Variants in SLC44A5 observed in about 807,000 individuals in gnomAD.
The protein encoded by SLC44A5 is choline transporter-like protein 5.
Under a neutral mutation model 101.8 loss-of-function variants are expected in SLC44A5, and 57 were observed. The ratio of observed to expected loss-of-function variants is 0.56; its 90% CI spans 0.45 to 0.70. The LOEUF is 0.70. SLC44A5 is among the 30% of genes least tolerant of loss of function. The pLI is 0.00. For missense variants in SLC44A5, 737 were observed against 853.1 expected (o/e 0.86, Z 1.70); for synonymous variants, 281 against 290.9 (o/e 0.97, Z 0.35).
intron 3 of SLC44A5, among the ~76,000 whole-genome samples, chr1:75,357,752 T>A (rs1369503275): frequency 6.6e-6 from 1 of 152,156 alleles, no homozygotes; most frequent in Non-Finnish European, 1.5e-5. Flanking sequence ...GAGAAATGGA[T>A]AATTATGGTC....
At chr1:75,283,122 A>C (rs1652749504) in intron 5 of SLC44A5, among the ~76,000 whole-genome samples, 1 of 152,086 alleles carries the variant, frequency 6.6e-6, no homozygotes. Context: ...CATTCCCACC[A>C]GCAGTGTAAA....
At chr1:75,669,668 G>T in the SLC44A5 span, among the ~76,000 whole-genome samples, 3 of 151,828 alleles carry the variant, frequency 2.0e-5, no homozygotes, top group Admixed American at 2.0e-4. Flanking sequence ...TCTCCCTTAC[G>T]TTCTTCCCAT....
chr1:75,285,135 G>T (rs182170558), intron 5 of SLC44A5, among the ~76,000 whole-genome samples: 8 of 146,344 alleles, frequency 5.5e-5, no homozygotes, highest in African/African-American at 1.7e-4. Context: ...TCTGGTCCTG[G>T]ACTTTTTTGT....
chr1:75,447,038 T>C (rs553225654), intron 2 of SLC44A5, among the ~76,000 whole-genome samples: 16 of 152,294 alleles, frequency 1.1e-4, no homozygotes, highest in Admixed American at 3.3e-4. Flanking sequence ...CTGTGGAAGG[T>C]ACCCGGTGCT....
intron 6 of SLC44A5, among the ~76,000 whole-genome samples, chr1:75,256,930 A>G (rs2100670647): frequency 6.6e-6 from 1 of 152,304 alleles, no homozygotes; most frequent in South Asian, 2.1e-4. Context: ...CATTTCCCAT[A>G]GCAGACTGTC....
chr1:75,336,487 A>C (rs1256213253), intron 4 of SLC44A5, among the ~76,000 whole-genome samples: 1 of 152,200 alleles, frequency 6.6e-6, no homozygotes, highest in Non-Finnish European at 1.5e-5. Flanking sequence ...GCTATGCTTG[A>C]CAATGTCAGC....
intron 2 of SLC44A5, among the ~76,000 whole-genome samples, chr1:75,479,648 T>G (rs1354433809): frequency 6.6e-6 from 1 of 152,232 alleles, no homozygotes; most frequent in South Asian, 2.1e-4. Flanking sequence ...CTAGAAAATC[T>G]AGAAGAAATG....
In SLC44A5 at chr1:75,374,623, G is replaced by A. The variant is rs563214670; in HGVS notation, c.52+21960C>T. On this transcript the variant is annotated intron_variant, in intron 3 of 23. Transcript: ENST00000370859. Reference sequence around the variant, plus strand: ...AAACACACAAGAGGCATGTGGCTAAGAGCCTATCTGCCAGCCCTGACTCTT... The same window carrying A: ...AAACACACAAGAGGCATGTGGCTAAAAGCCTATCTGCCAGCCCTGACTCTT... 4.6e-5 allele frequency among the ~76,000 whole-genome samples: 7 copies of A among 152,174 alleles called. No homozygotes were observed. The South Asian group carries it at 1.4e-3, about 32-fold the overall frequency.
chr1:75,234,014 C>A lies in SLC44A5; in HGVS notation c.825G>T (p.Met275Ile). ...FIAGCLFWVF[M>I]IGVIGIIGYG... ...AACCTATAATTCCAATCACACCAAT[C>A]ATGAAGACCCAGAAGAGGCATCCAG... The change falls in exon 12 of 24, where the codon ATG becomes ATT. Residue 275 changes from methionine to isoleucine, a missense_variant. Around this residue, in one of 3 missense-constraint regions of SLC44A5, gnomAD observed 665 missense variants for 764.4 expected, o/e 0.87. Coordinates refer to ENST00000370859, the MANE Select transcript of SLC44A5 (RefSeq NM_001130058.2). The A allele has an allele frequency of 6.2e-7, 1 of 1,613,052 alleles. No homozygotes were observed. The highest frequency in any genetic ancestry group is 8.5e-7 in the Non-Finnish European group (1 of 1,179,294).
intron 3 of SLC44A5, among the ~76,000 whole-genome samples, chr1:75,370,831 G>A (rs753998252): frequency 6.6e-6 from 1 of 152,206 alleles, no homozygotes; most frequent in Non-Finnish European, 1.5e-5. Flanking sequence ...ATTTCCTGCT[G>A]TAAGTAGTTG....
chr1:75,219,491 T>C, intron 15 of SLC44A5, 147 bp from the exon 16 acceptor site: 1 of 669,046 alleles, frequency 1.5e-6, no homozygotes, highest in Non-Finnish European at 2.6e-6. Flanking sequence ...TTTTCAGGCC[T>C]AGATTAATGT....
chr1:75,300,060 C>T (rs1306774627), intron 5 of SLC44A5, among the ~76,000 whole-genome samples: 6 of 146,130 alleles, frequency 4.1e-5, no homozygotes, highest in African/African-American at 1.6e-4. Context: ...AAAGAGTCTC[C>T]ATACTTCTCT....
chr1:75,256,509 G>T (rs1443254538), intron 6 of SLC44A5, among the ~76,000 whole-genome samples: 3 of 152,090 alleles, frequency 2.0e-5, no homozygotes, highest in African/African-American at 7.2e-5. Context: ...AGAAAGTAAT[G>T]GCCTGACAGT....
intron 2 of SLC44A5, among the ~76,000 whole-genome samples, chr1:75,504,043 T>C (rs1669113325): frequency 6.6e-6 from 1 of 152,206 alleles, no homozygotes; most frequent in South Asian, 2.1e-4. Context: ...TTTTCCACTT[T>C]TAAAGATTCA....
chr1:75,581,584 G>A (rs1462056353), intron 1 of SLC44A5, among the ~76,000 whole-genome samples: 1 of 152,152 alleles, frequency 6.6e-6, no homozygotes, highest in Non-Finnish European at 1.5e-5. Flanking sequence ...AAGATGATGT[G>A]GGAAAGGGGT....
At chr1:75,385,227 C>T (rs4949846) in intron 3 of SLC44A5, among the ~76,000 whole-genome samples, 57,598 of 127,180 alleles carry the variant, frequency 0.45, 14,006 homozygotes, top group East Asian at 0.91. Context: ...CTGAAGGAAA[C>T]AGAGACACAA....
At chr1:75,376,845 G>C (rs1272669180) in intron 3 of SLC44A5, among the ~76,000 whole-genome samples, 1 of 152,240 alleles carries the variant, frequency 6.6e-6, no homozygotes, top group African/African-American at 2.4e-5. Flanking sequence ...TTGACAAGCT[G>C]AGAGCAGAAG....
chr1:75,652,408 T>C, the SLC44A5 span, among the ~76,000 whole-genome samples: 2 of 152,206 alleles, frequency 1.3e-5, no homozygotes, highest in Admixed American at 6.5e-5. Context: ...TTAAATTCTT[T>C]CTTCTGAGAA....
chr1:75,405,269 A>G lies in SLC44A5; in HGVS notation c.14-8648T>C, dbSNP rs1188453638. 2.0e-5 allele frequency among the ~76,000 whole-genome samples: 3 copies of G among 152,108 alleles called. No individual in the cohort carries two copies. The East Asian group carries it at 5.8e-4, about 29-fold the overall frequency. On this transcript the variant is annotated intron_variant, in intron 2 of 23. Coordinates refer to ENST00000370859, the MANE Select transcript of SLC44A5 (RefSeq NM_001130058.2). ...CACAATAATCTTGGGAGACTCTAAC[A>G]CCCCACTGTCAATATTAAACAGATC...
Sources: gnomAD v4.1 joint callset for allele counts (sites outside exome capture counted in the v4.1 genomes callset) on GRCh38, gnomAD v4.1.1 for gene constraint, gnomAD v4.1.1 regional missense constraint, MANE v1.5 for transcripts, NCBI Gene and HGNC (gene_info 2026-07-23, HGNC 2026-07-21) for gene names.